FTO: variants seen among roughly 807,000 people sequenced by gnomAD.
The protein encoded by FTO is FTO alpha-ketoglutarate dependent dioxygenase, also known as alpha-ketoglutarate-dependent dioxygenase FTO.
A neutral mutation model predicts 63.9 loss-of-function variants in FTO; 47 were observed. The ratio of observed to expected loss-of-function variants is 0.74; its 90% confidence interval spans 0.58 to 0.94. The LOEUF is 0.94. FTO is among the 40% of genes least tolerant of loss of function. The pLI is 0.00. For synonymous variants in FTO, 207 were observed against 224.4 expected (o/e 0.92, Z 0.69); for missense variants, 562 against 618.1 (o/e 0.91, Z 0.96).
chr16:53,800,871 T>G (rs1238110235), intron 1 of FTO, among the ~76,000 whole-genome samples: 1 of 152,082 alleles, frequency 6.6e-6, no homozygotes, highest in Admixed American at 6.5e-5. Flanking sequence ...TGCAGTAGAA[T>G]GTACATAACA....
chr16:53,813,219 T>C (rs569410947), intron 2 of FTO, among the ~76,000 whole-genome samples: 1 of 151,238 alleles, frequency 6.6e-6, no homozygotes, highest in East Asian at 1.9e-4. Flanking sequence ...TTCTTTTCTT[T>C]TTTTTTTTTT....
intron 8 of FTO, among the ~76,000 whole-genome samples, chr16:54,020,648 A>T (rs1197125091): frequency 1.3e-5 from 2 of 152,180 alleles, no homozygotes; most frequent in East Asian, 3.8e-4. Context: ...CCAAAAAGAG[A>T]TGGATCAAGA....
intron 8 of FTO, among the ~76,000 whole-genome samples, chr16:54,032,245 G>A (rs945615027): frequency 2.6e-5 from 4 of 152,178 alleles, no homozygotes; most frequent in Non-Finnish European, 4.4e-5. Context: ...TAGAAAAGAC[G>A]TGAATTTCAG....
intron 3 of FTO, among the ~76,000 whole-genome samples, chr16:53,833,354 A>G (rs1397742526): frequency 6.6e-6 from 1 of 152,262 alleles, no homozygotes; most frequent in Admixed American, 6.5e-5. Flanking sequence ...AGATTCATCC[A>G]TGTTATGGCA....
chr16:53,990,727 G>A (rs1174552937), intron 8 of FTO, among the ~76,000 whole-genome samples: 1 of 147,216 alleles, frequency 6.8e-6, no homozygotes, highest in Non-Finnish European at 1.5e-5. Context: ...GAGTGCAGTT[G>A]TATGATCTCG....
intron 8 of FTO, among the ~76,000 whole-genome samples, chr16:54,037,962 C>T (rs1311848933): frequency 2.6e-5 from 4 of 152,188 alleles, no homozygotes; most frequent in Admixed American, 6.5e-5. Context: ...AATACAAATA[C>T]ACCCTACACT....
At chr16:53,743,890 C>T (rs1169177729) in intron 1 of FTO, among the ~76,000 whole-genome samples, 1 of 151,792 alleles carries the variant, frequency 6.6e-6, no homozygotes, top group East Asian at 1.9e-4. Flanking sequence ...AGATTTTTTC[C>T]TCTCCGTTTG....
intron 1 of FTO, among the ~76,000 whole-genome samples, chr16:53,787,250 C>T (rs190009711): frequency 6.7e-6 from 1 of 150,272 alleles, no homozygotes; most frequent in East Asian, 2.0e-4. Context: ...CACTATCTAT[C>T]ACCTTATGGG....
At chr16:54,048,124 A>AAC (rs2085220636) in intron 8 of FTO, among the ~76,000 whole-genome samples, 2 of 100,160 alleles carry the variant, frequency 2.0e-5, no homozygotes, top group Admixed American at 1.9e-4. Flanking sequence ...AAAAAAAAAA[A>AAC]TTAAAAAAAA....
At chr16:54,002,614 C>A (rs941206457) in intron 8 of FTO, among the ~76,000 whole-genome samples, 1 of 152,208 alleles carries the variant, frequency 6.6e-6, no homozygotes, top group Non-Finnish European at 1.5e-5. Flanking sequence ...TGTCACATTA[C>A]CCTTTAGAAT....
chr16:53,858,221 T>A (rs2080066104), intron 4 of FTO, among the ~76,000 whole-genome samples: 2 of 152,206 alleles, frequency 1.3e-5, no homozygotes, highest in Admixed American at 6.5e-5. Context: ...ATATTTAACA[T>A]CTCTGAAATT....
intron 6 of FTO, among the ~76,000 whole-genome samples, chr16:53,884,906 G>T (rs2080958663): frequency 6.6e-6 from 1 of 152,188 alleles, no homozygotes; most frequent in Non-Finnish European, 1.5e-5. Flanking sequence ...GGTCTTCAGG[G>T]ATGTGTCACC....
intron 8 of FTO, among the ~76,000 whole-genome samples, chr16:53,954,542 G>C (rs2082875782): frequency 6.6e-6 from 1 of 152,110 alleles, no homozygotes; most frequent in East Asian, 1.9e-4. Context: ...AAGGTCAAAG[G>C]GAAGTGGCTG....
intron 8 of FTO, among the ~76,000 whole-genome samples, chr16:54,106,871 A>G (rs1156315958): frequency 7.2e-6 from 1 of 138,864 alleles, no homozygotes; most frequent in East Asian, 2.0e-4. Context: ...ATATAATAAT[A>G]TAATAAATAT....
chr16:53,987,738 C>G (rs1185085926), intron 8 of FTO, among the ~76,000 whole-genome samples: 1 of 152,130 alleles, frequency 6.6e-6, no homozygotes, highest in Non-Finnish European at 1.5e-5. Flanking sequence ...AGCCGAGATT[C>G]TAACCTAGCT....
chr16:53,951,687 A>G (rs752410936), intron 8 of FTO, among the ~76,000 whole-genome samples: 5 of 152,192 alleles, frequency 3.3e-5, no homozygotes, highest in Non-Finnish European at 7.3e-5. Context: ...GCTATGCAAT[A>G]TATCTCAAAA....
At chr16:54,028,722 A>G (rs1395888040) in intron 8 of FTO, among the ~76,000 whole-genome samples, 1 of 152,182 alleles carries the variant, frequency 6.6e-6, no homozygotes, top group African/African-American at 2.4e-5. Context: ...TATACACTAT[A>G]TACAGTATTT....
chr16:53,820,578 A>G (rs2078832742), intron 2 of FTO, among the ~76,000 whole-genome samples: 1 of 151,322 alleles, frequency 6.6e-6, no homozygotes, highest in African/African-American at 2.4e-5. Flanking sequence ...CGCTGCACCC[A>G]CTAACTCATC....
At chr16:53,724,752 A>G (rs1002822684) in intron 1 of FTO, among the ~76,000 whole-genome samples, 43 of 152,266 alleles carry the variant, frequency 2.8e-4, no homozygotes, top group Admixed American at 9.8e-4. Context: ...TTCCTACATG[A>G]AAGGATGAAG....
Sources: gnomAD v4.1 joint callset for allele counts (sites outside exome capture counted in the v4.1 genomes callset) on GRCh38, gnomAD v4.1.1 for gene constraint, MANE v1.5 for transcripts, NCBI Gene and HGNC (gene_info 2026-07-23, HGNC 2026-07-21) for gene names.